SP2: variants seen among roughly 807,000 people sequenced by gnomAD.
The protein encoded by SP2 is Sp2 transcription factor.
In SP2, 9 loss-of-function variants were observed where a neutral mutation model predicts 50.1. That is an observed-to-expected ratio of 0.18 (90% CI 0.11 to 0.31). SP2 has a LOEUF of 0.31. SP2 is among the 10% of genes least tolerant of loss of function. SP2 has a pLI of 1.00. For missense variants in SP2, 581 were observed against 806.5 expected (o/e 0.72, Z 3.39); for synonymous variants, 313 against 326.6 (o/e 0.96, Z 0.45).
intron 1 of SP2, chr17:47,898,355 T>G (rs1222947212): frequency 6.6e-6 from 1 of 152,218 alleles, no homozygotes; most frequent in Non-Finnish European, 1.5e-5. Flanking sequence ...ACTTCTTATT[T>G]CTTCTGGTGG....
intron 2 of SP2, 74 bp downstream of exon 2, chr17:47,915,462 C>T: frequency 1.1e-6 from 1 of 906,406 alleles, no homozygotes; most frequent in Non-Finnish European, 1.7e-6. Context: ...ACTCTCTCTT[C>T]ACTGTCTCAC....
At chr17:47,919,335 A>G (rs1017703454) in intron 3 of SP2, among the ~76,000 whole-genome samples, 1 of 152,060 alleles carries the variant, frequency 6.6e-6, no homozygotes, top group African/African-American at 2.4e-5. Context: ...ACTTGAACCC[A>G]TGAGTTCGAG....
At chr17:47,905,879 T>C (rs886216697) in intron 1 of SP2, among the ~76,000 whole-genome samples, 1 of 151,684 alleles carries the variant, frequency 6.6e-6, no homozygotes, top group Non-Finnish European at 1.5e-5. Flanking sequence ...TGGGAGAGAG[T>C]GTGCTTCAGG....
At position 47,916,081 on chromosome 17, in the gene SP2, G is replaced by T; in HGVS notation, c.85-75G>T. The T allele has an allele frequency of 6.6e-7, 1 of 1,518,606 alleles. No individual in the cohort carries two copies. The highest frequency in any genetic ancestry group is 8.8e-7 in the Non-Finnish European group (1 of 1,131,814). 94.1% of individuals were successfully genotyped at this position (1,518,606 alleles called of 1,614,324 possible). ...GACTGGCGTGGAATGCCGCCAGGAG[G>T]AGAGGATCATGGACAGAGGCGGCCG... On this transcript the variant is annotated intron_variant, in intron 2 of 6. Transcript: ENST00000376741. The surrounding 1 kb of genome is among the most constrained non-coding windows in gnomAD (Gnocchi z 4.7).
chr17:47,899,767 T>G (rs1358806873), intron 1 of SP2: 1 of 152,254 alleles, frequency 6.6e-6, no homozygotes, highest in Non-Finnish European at 1.5e-5. Flanking sequence ...AGGGGAATAC[T>G]GTGCTTCTCA....
At chr17:47,931,040 A>G (rs1313504343), downstream of SP2, among the ~76,000 whole-genome samples, 1 of 151,294 alleles carries the variant, frequency 6.6e-6, no homozygotes, top group Non-Finnish European at 1.5e-5. Context: ...CACCCAGTCC[A>G]TTTTTACAAT....
At position 47,924,979 on chromosome 17, in the gene SP2, G is replaced by A. The variant is rs1433461412; in HGVS notation, c.1433G>A (p.Ser478Asn). Residue 478 changes from serine to asparagine, a missense_variant, in exon 5 of 7, where the codon AGC (serine) becomes AAC (asparagine). Transcript: ENST00000376741. The stretch of plus-strand genomic sequence containing the variant: ...AACAACCTGACCATCAGTGGGCTGA[G>A]CCCCACCCAGATCCAGCTGCAAATG... The part of the protein sequence containing the change: ...SGNNLTISGL[S>N]PTQIQLQMEQ... 6.2e-7 allele frequency: 1 copy of A among 1,614,120 alleles called. No homozygotes were observed. Among genetic ancestry groups the A allele is most frequent in the Non-Finnish European group, 8.5e-7 (1 of 1,179,970 alleles).
chr17:47,909,401 T>G (rs752270664), intron 1 of SP2, among the ~76,000 whole-genome samples: 1 of 152,144 alleles, frequency 6.6e-6, no homozygotes, highest in Non-Finnish European at 1.5e-5. Context: ...GATTGGTTTT[T>G]TAACCTAAGT....
chr17:47,909,916 C>T (rs1367359269), intron 1 of SP2, among the ~76,000 whole-genome samples: 5 of 152,172 alleles, frequency 3.3e-5, no homozygotes, highest in African/African-American at 1.2e-4. Flanking sequence ...GGCACCATCT[C>T]GGCTCACTGC....
In SP2 at chr17:47,916,229, C is replaced by T. The variant is rs1031834237; in HGVS notation, c.158C>T (p.Ala53Val). ...ATTGGCCCTCCAGCAGTTGAAGCTG[C>T]TGTGACACCTCCTGCTCCCCCACAG... is the stretch of plus-strand genomic sequence containing the variant. ...SKIGPPAVEA[A>V]VTPPAPPQPT... The change falls in exon 3 of 7, where the codon GCT becomes GTT. Residue 53 changes from alanine (A) to valine (V), a missense_variant. This residue lies in a region of SP2 where 397 missense variants were observed against 491.0 expected (regional missense o/e 0.81). Coordinates refer to ENST00000376741, the MANE Select transcript of SP2 (RefSeq NM_003110.6). This position sits in a 1 kb window ranked among gnomAD's most constrained non-coding sequence, Gnocchi z 4.7. The T allele has an allele frequency of 6.2e-7, 1 of 1,613,986 alleles. No homozygotes were observed. The highest frequency in any genetic ancestry group is 1.3e-5 in the African/African-American group (1 of 74,910).
intron 3 of SP2, among the ~76,000 whole-genome samples, chr17:47,919,016 T>C (rs1051047827): frequency 1.5e-5 from 2 of 135,222 alleles, no homozygotes; most frequent in African/African-American, 2.7e-5. Flanking sequence ...CACACACACA[T>C]GCATGCACGC....
intron 3 of SP2, among the ~76,000 whole-genome samples, 188 bp from the exon 4 acceptor site, chr17:47,922,774 C>T (rs2035509564): frequency 6.6e-6 from 1 of 152,194 alleles, no homozygotes; most frequent in Non-Finnish European, 1.5e-5. Flanking sequence ...AGTCAACATT[C>T]GCCAGCTTAG....
intron 1 of SP2, among the ~76,000 whole-genome samples, chr17:47,907,620 C>CT (rs2034815515): frequency 6.6e-6 from 1 of 152,230 alleles, no homozygotes; most frequent in South Asian, 2.1e-4. Flanking sequence ...ACTAATCCCA[C>CT]TTACCTATGT....
At chr17:47,930,515 C>A (rs1317021435), downstream of SP2, among the ~76,000 whole-genome samples, 1 of 152,330 alleles carries the variant, frequency 6.6e-6, no homozygotes, top group East Asian at 1.9e-4. Flanking sequence ...TATGTCTGAT[C>A]ATCTCTGCCT....
intron 1 of SP2, among the ~76,000 whole-genome samples, chr17:47,910,314 G>A (rs1175888198): frequency 6.6e-6 from 1 of 152,178 alleles, no homozygotes; most frequent in African/African-American, 2.4e-5. Context: ...CATGTAATAA[G>A]GGAGTTTTGT....
intron 1 of SP2, among the ~76,000 whole-genome samples, chr17:47,904,240 G>A (rs1019878756): frequency 6.6e-6 from 1 of 150,718 alleles, no homozygotes; most frequent in African/African-American, 2.4e-5. Context: ...ACTCCAGCCT[G>A]GGTGACAGTG....
At chr17:47,923,334 A>C in intron 4 of SP2, 60 bp downstream of exon 4, 1 of 1,416,270 alleles carries the variant, frequency 7.1e-7, no homozygotes, top group Non-Finnish European at 9.6e-7. Context: ...GCAGGTGGAA[A>C]CTATGGGCTG....
intron 3 of SP2, among the ~76,000 whole-genome samples, chr17:47,920,074 G>A (rs1269925600): frequency 6.6e-6 from 1 of 151,612 alleles, no homozygotes; most frequent in Admixed American, 6.6e-5. Flanking sequence ...TTCTTTACTT[G>A]ACCATCATGA....
chr17:47,900,751 T>A (rs895852373), intron 1 of SP2, among the ~76,000 whole-genome samples: 8 of 152,308 alleles, frequency 5.3e-5, no homozygotes, highest in African/African-American at 1.7e-4. Context: ...CACCCCAGCC[T>A]GGGTAACAGA....
Sources: gnomAD v4.1 joint callset for allele counts (sites outside exome capture counted in the v4.1 genomes callset) on GRCh38, gnomAD v4.1.1 for gene constraint, gnomAD v4.1.1 regional missense constraint, Gnocchi (gnomAD v3.1) non-coding constraint, MANE v1.5 for transcripts, NCBI Gene and HGNC (gene_info 2026-07-23, HGNC 2026-07-21) for gene names.